The following UBR3 variants were observed in gnomAD, a reference collection of about 807,000 sequenced individuals.
The protein encoded by UBR3 is ubiquitin protein ligase E3 component n-recognin 3.
In UBR3, 85 loss-of-function variants were observed where a neutral mutation model predicts 243.2. The ratio of observed to expected loss-of-function variants is 0.35; its 90% CI spans 0.29 to 0.42. The LOEUF is 0.42. Among genes scored for constraint, UBR3 ranks in the 10% least tolerant of loss-of-function variants. The pLI is 1.00. For synonymous variants in UBR3, 748 were observed against 799.8 expected (o/e 0.94, Z 1.09); for missense variants, 1,686 against 2,300.8 (o/e 0.73, Z 5.47).
chr2:169,994,345 T>G lies in UBR3; in HGVS notation c.3807T>G (p.Asn1269Lys). The change falls in exon 26 of 39, where the codon AAT (asparagine) becomes AAG (lysine). Residue 1269 changes from asparagine (N) to lysine (K), a missense_variant. Asn to Lys is a moderately conservative substitution (Grantham distance 94, BLOSUM62 0). Coordinates refer to ENST00000272793, the MANE Select transcript of UBR3 (RefSeq NM_172070.4). ...TAGTTTTGGGGCAGTGCCGTGACAA[T>G]GTTGAGCCAAAAAAGTTGCCGATCA... is the stretch of plus-strand genomic sequence containing the variant. The part of the protein sequence containing the change: ...ASSVLGQCRD[N>K]VEPKKLPISE... 1.9e-6 allele frequency: 3 copies of G among 1,614,140 alleles called. No homozygotes were observed. The highest frequency in any genetic ancestry group is 2.2e-5 in the South Asian group (2 of 91,080).
intron 24 of UBR3, among the ~76,000 whole-genome samples, chr2:169,981,103 T>C (rs1191289800): frequency 6.6e-6 from 1 of 152,072 alleles, no homozygotes; most frequent in Non-Finnish European, 1.5e-5. Context: ...GAGTATATAC[T>C]AGTATAAATG....
chr2:169,858,439 T>C (rs552586895), intron 1 of UBR3, among the ~76,000 whole-genome samples: 1 of 152,204 alleles, frequency 6.6e-6, no homozygotes, highest in South Asian at 2.1e-4. Context: ...TGTCTTGGCC[T>C]CCCAAGTAGC....
chr2:169,958,389 A>T, intron 23 of UBR3, 49 bp from the exon 24 acceptor site: 1 of 1,526,610 alleles, frequency 6.6e-7, no homozygotes, highest in Non-Finnish European at 9.0e-7. Context: ...TATAGTAGCT[A>T]GGTCTTAAGC....
intron 25 of UBR3, among the ~76,000 whole-genome samples, chr2:169,991,499 A>G (rs577419209): frequency 8.5e-5 from 13 of 152,352 alleles, no homozygotes; most frequent in Non-Finnish European, 1.6e-4. Flanking sequence ...TGTGGTCATA[A>G]TGGAATGAAA....
chr2:169,847,456 C>A (rs1574035707), intron 1 of UBR3, among the ~76,000 whole-genome samples: 1 of 152,010 alleles, frequency 6.6e-6, no homozygotes, highest in South Asian at 2.1e-4. Flanking sequence ...GTATAGAAAC[C>A]TTATAATAGT....
chr2:169,952,673 G>A (rs1340907651), intron 23 of UBR3, among the ~76,000 whole-genome samples: 1 of 151,648 alleles, frequency 6.6e-6, no homozygotes, highest in African/African-American at 2.4e-5. Context: ...CCAGCCTGGC[G>A]ACAGAATGAG....
At chr2:170,012,692 C>T (rs553245381) in intron 29 of UBR3, among the ~76,000 whole-genome samples, 3 of 149,714 alleles carry the variant, frequency 2.0e-5, no homozygotes, top group Admixed American at 6.6e-5. Flanking sequence ...TTTTTTTCCC[C>T]CTGAGAAATT....
At chr2:169,987,935 A>G (rs2089097104) in intron 25 of UBR3, among the ~76,000 whole-genome samples, 1 of 152,114 alleles carries the variant, frequency 6.6e-6, no homozygotes, top group Admixed American at 6.5e-5. Flanking sequence ...GGATTTTTGT[A>G]TTGGTTAAGC....
At chr2:169,861,848 C>G (rs749854224) in intron 1 of UBR3, among the ~76,000 whole-genome samples, 1 of 152,128 alleles carries the variant, frequency 6.6e-6, no homozygotes, top group Non-Finnish European at 1.5e-5. Context: ...TCACATTTTA[C>G]ATTTACCTTT....
intron 5 of UBR3, among the ~76,000 whole-genome samples, chr2:169,885,601 AAAAG>A (rs1428768294): frequency 6.6e-6 from 1 of 152,068 alleles, no homozygotes; most frequent in African/African-American, 2.4e-5. Flanking sequence ...AAAAAAAACA[AAAAG>A]AAAACATTTA....
In UBR3 at chr2:169,827,476, G is replaced by T. The variant is rs2081774915; in HGVS notation, c.-32G>T. 8.2e-7 allele frequency: 1 copy of T among 1,223,048 alleles called. No individual in the cohort carries two copies. 75.8% of individuals were successfully genotyped at this position (1,223,048 alleles called of 1,614,324 possible). On this transcript the variant is annotated 5_prime_UTR_variant, in exon 1 of 39. Transcript: ENST00000272793. ...CTCACTCTCCCTGGAGGAGCCGCTG[G>T]CCCTGGACTCTCCAAATTCTGAGCT...
intron 32 of UBR3, among the ~76,000 whole-genome samples, chr2:170,049,685 C>CCTTT (rs1418737108): frequency 2.0e-5 from 3 of 152,234 alleles, no homozygotes; most frequent in African/African-American, 7.2e-5. Flanking sequence ...TTTCTAGAAG[C>CCTTT]CTTTCTATTG....
intron 25 of UBR3, among the ~76,000 whole-genome samples, chr2:169,989,427 C>T (rs2089177696): frequency 6.6e-6 from 1 of 152,078 alleles, no homozygotes; most frequent in Non-Finnish European, 1.5e-5. Flanking sequence ...CATTGAAAAC[C>T]AATTTGGATT....
chr2:169,883,059 A>T (rs972218754), intron 5 of UBR3, among the ~76,000 whole-genome samples: 9 of 152,200 alleles, frequency 5.9e-5, no homozygotes. Flanking sequence ...AATTTGCCCA[A>T]AGCTTTATGT....
intron 32 of UBR3, among the ~76,000 whole-genome samples, chr2:170,047,844 A>G (rs976135442): frequency 1.3e-5 from 2 of 152,160 alleles, no homozygotes; most frequent in African/African-American, 4.8e-5. Context: ...TGTCCAGTAT[A>G]TCCACACTGT....
chr2:169,947,678 C>T lies in UBR3; in HGVS notation c.3047C>T (p.Pro1016Leu). ...GCTCCTGAAGTAAAGAGAGACTCACCTGCAAGTACTAGCTCTGATAACTTG... is the reference window on the plus strand; with the variant it reads ...GCTCCTGAAGTAAAGAGAGACTCACTTGCAAGTACTAGCTCTGATAACTTG... Reference protein sequence around the residue: ...ETAPEVKRDSPASTSSDNLGS... With the variant: ...ETAPEVKRDSLASTSSDNLGS... The change falls in exon 22 of 39, where the codon CCT (proline) becomes CTT (leucine). Residue 1016 changes from proline to leucine, a missense_variant. Physicochemically the swap from Pro to Leu is moderately conservative, Grantham distance 98 (BLOSUM62 -3). Around this residue, in one of 8 missense-constraint regions of UBR3, gnomAD observed 300 missense variants for 314.4 expected, o/e 0.95. Coordinates refer to ENST00000272793, the MANE Select transcript of UBR3 (RefSeq NM_172070.4). 6.5e-7 allele frequency: 1 copy of T among 1,531,888 alleles called. No individual in the cohort carries two copies. Among genetic ancestry groups the T allele is most frequent in the Non-Finnish European group, 8.8e-7 (1 of 1,138,304 alleles). The allele number at this position is 1,531,888 out of a possible 1,614,324, so 94.9% of individuals were successfully genotyped here.
chr2:170,075,922 A>C (rs2091798130), intron 36 of UBR3, among the ~76,000 whole-genome samples: 1 of 152,154 alleles, frequency 6.6e-6, no homozygotes, highest in South Asian at 2.1e-4. Flanking sequence ...AGAAAAAAAA[A>C]AAAAAACAGG....
At chr2:169,971,422 A>C (rs553825717) in intron 24 of UBR3, among the ~76,000 whole-genome samples, 1 of 149,432 alleles carries the variant, frequency 6.7e-6, no homozygotes, top group Non-Finnish European at 1.5e-5. Context: ...CTGAATGGTA[A>C]TGCCTAGGTT....
At chr2:169,847,745 T>G (rs1417836869) in intron 1 of UBR3, among the ~76,000 whole-genome samples, 3 of 152,234 alleles carry the variant, frequency 2.0e-5, no homozygotes, top group Non-Finnish European at 4.4e-5. Context: ...CCTGTTGAAT[T>G]ACAAGTTTTC....
Sources: allele counts gnomAD v4.1 joint callset (sites outside exome capture counted in the v4.1 genomes callset), GRCh38; gene constraint gnomAD v4.1.1; regional missense constraint gnomAD v4.1.1; transcripts MANE v1.5; gene names NCBI Gene and HGNC (gene_info 2026-07-23, HGNC 2026-07-21).